KNSTRN: variants seen among roughly 807,000 people sequenced by gnomAD.
The protein encoded by KNSTRN is kinetochore localized astrin (SPAG5) binding protein.
Under a neutral mutation model 44.7 loss-of-function variants are expected in KNSTRN, and 38 were observed. That is an observed-to-expected ratio of 0.85 (90% CI 0.66 to 1.11). The LOEUF is 1.11. Among genes scored for constraint, KNSTRN ranks in the 50% most tolerant of loss-of-function variants. KNSTRN has a pLI of 0.00. For synonymous variants in KNSTRN, 158 were observed against 148.1 expected (o/e 1.07, Z -0.48); for missense variants, 406 against 375.8 (o/e 1.08, Z -0.66).
Position 40,382,963 on chromosome 15 carries a change from T to G in KNSTRN, c.128T>G (p.Leu43Ter). The change falls in exon 1 of 9, where the codon TTA (leucine) becomes TGA (stop). Residue 43 changes from leucine to a stop codon, truncating the protein, a stop_gained. Coordinates refer to ENST00000249776, the MANE Select transcript of KNSTRN (RefSeq NM_033286.4). LOFTEE classifies it high-confidence loss of function. ...CTATTTGAAACCCAGGCGGCCGACTTAGCCGGTGGCACGACAGTTGCTGCA... is the reference window on the plus strand; with the variant it reads ...CTATTTGAAACCCAGGCGGCCGACTGAGCCGGTGGCACGACAGTTGCTGCA... ...KFLFETQAAD[L>*]AGGTTVAAGN... 1 of 1,612,234 alleles carries G rather than the reference T, an allele frequency of 6.2e-7. No homozygotes were observed. The highest frequency in any genetic ancestry group is 8.5e-7 in the Non-Finnish European group (1 of 1,180,014).
chr15:40,388,661 C>A (rs559118331), intron 4 of KNSTRN, among the ~76,000 whole-genome samples: 2 of 151,408 alleles, frequency 1.3e-5, no homozygotes, highest in South Asian at 4.2e-4. Context: ...CGCCACTGCA[C>A]TCCAGCCTGG....
intron 1 of KNSTRN, 33 bp downstream of exon 1, chr15:40,383,077 G>A: frequency 6.2e-7 from 1 of 1,604,882 alleles, no homozygotes; most frequent in East Asian, 2.2e-5. Context: ...GACTGGGCTG[G>A]ATGGGAGGAA....
intron 2 of KNSTRN, among the ~76,000 whole-genome samples, chr15:40,383,748 C>G (rs192748230): frequency 2.0e-5 from 3 of 152,274 alleles, no homozygotes; most frequent in African/African-American, 7.2e-5. Flanking sequence ...ATATCTGCAC[C>G]GTGTTTCTCA....
intron 4 of KNSTRN, among the ~76,000 whole-genome samples, chr15:40,387,824 A>T (rs1889927712): frequency 6.6e-6 from 1 of 152,134 alleles, no homozygotes; most frequent in Non-Finnish European, 1.5e-5. Context: ...CCTGGGAAAC[A>T]TGATGGGACC....
intron 6 of KNSTRN, 115 bp from the exon 7 acceptor site, chr15:40,391,378 C>A: frequency 1.2e-6 from 1 of 807,498 alleles, no homozygotes; most frequent in Admixed American, 2.3e-5. Flanking sequence ...GGATGAGACA[C>A]TTAAGAGAAA....
At chr15:40,386,330 C>T (rs751641313) in intron 2 of KNSTRN, 32 bp from the exon 3 acceptor site, 1 of 1,604,788 alleles carries the variant, frequency 6.2e-7, no homozygotes, top group Admixed American at 1.7e-5. Flanking sequence ...GGTCATGATG[C>T]CAGAAGCTTT....
At chr15:40,386,065 G>A (rs2141272911) in intron 2 of KNSTRN, among the ~76,000 whole-genome samples, 1 of 152,200 alleles carries the variant, frequency 6.6e-6, no homozygotes, top group African/African-American at 2.4e-5. Context: ...GTGAGACCCT[G>A]TCTCTATTTT....
Position 40,393,376 on chromosome 15 carries a change from AG to A in KNSTRN, c.823-91del, listed in dbSNP as rs1467384596. ...CTCCAGTGGTCTTCCTTAGTGGAAT[AG>A]GAGCATAATGTTCTGATGTGGGAAT... On this transcript the variant is annotated intron_variant, in intron 8 of 8. Coordinates refer to ENST00000249776, the MANE Select transcript of KNSTRN (RefSeq NM_033286.4). 32 of 1,590,806 alleles carry A rather than the reference AG, an allele frequency of 2.0e-5. No homozygotes were observed. The African/African-American group carries it at 4.3e-4, about 21-fold the overall frequency.
chr15:40,393,258 C>G, intron 8 of KNSTRN: 7 of 1,613,624 alleles, frequency 4.3e-6, no homozygotes, highest in Non-Finnish European at 5.9e-6. Flanking sequence ...AGTTTAGATA[C>G]AGGAGTCTAG....
rs1335122778 is a variant in KNSTRN at position 40,382,781 on chromosome 15, T to TC, written c.-53dup. 3.3e-6 allele frequency: 5 copies of TC among 1,519,628 alleles called. No individual in the cohort carries two copies. The highest frequency in any genetic ancestry group is 4.5e-6 in the Non-Finnish European group (5 of 1,113,786). 94.1% of individuals were successfully genotyped at this position (1,519,628 alleles called of 1,614,324 possible). A position where few individuals can be genotyped will look rare whatever the true frequency, so the allele number is the denominator to read the frequency against. On this transcript the variant is annotated 5_prime_UTR_variant, in exon 1 of 9. Coordinates refer to ENST00000249776, the MANE Select transcript of KNSTRN (RefSeq NM_033286.4). Reference sequence around the variant, plus strand: ...TCCTCCTCTGCCCAGACCTGGGGGCTCCAACACCTTTCGCTAGGTCTGGCT... The same window carrying TC: ...TCCTCCTCTGCCCAGACCTGGGGGCTCCCAACACCTTTCGCTAGGTCTGGCT...
intron 8 of KNSTRN, 107 bp from the exon 9 acceptor site, chr15:40,393,362 T>A (rs955390235): frequency 1.3e-6 from 2 of 1,591,296 alleles, no homozygotes; most frequent in Non-Finnish European, 1.7e-6. Flanking sequence ...TCCAGTGGTC[T>A]TCCTTAGTGG....
chr15:40,389,642 C>A, intron 5 of KNSTRN, 31 bp downstream of exon 5: 1 of 1,518,470 alleles, frequency 6.6e-7, no homozygotes, highest in East Asian at 2.3e-5. Context: ...CTGTTACCAG[C>A]TGCCACTGGG....
chr15:40,387,130 G>A, intron 3 of KNSTRN, 29 bp from the exon 4 acceptor site: 1 of 1,564,994 alleles, frequency 6.4e-7, no homozygotes, highest in Non-Finnish European at 8.8e-7. Flanking sequence ...GTAAGTCTCT[G>A]ATTCATTTCT....
chr15:40,388,884 C>T (rs1217724101), intron 4 of KNSTRN, among the ~76,000 whole-genome samples: 1 of 152,146 alleles, frequency 6.6e-6, no homozygotes, highest in African/African-American at 2.4e-5. Flanking sequence ...GGGGGGCCTG[C>T]TCCCAACAAT....
chr15:40,391,616 G>A, intron 7 of KNSTRN, 62 bp downstream of exon 7: 1 of 1,340,990 alleles, frequency 7.5e-7, no homozygotes, highest in South Asian at 1.2e-5. Flanking sequence ...GTAAATCTAA[G>A]AAGGTCTCTG....
chr15:40,386,933 A>C (rs1438622331), intron 3 of KNSTRN: 2 of 583,198 alleles, frequency 3.4e-6, no homozygotes, highest in Non-Finnish European at 6.1e-6. Context: ...CAGCTCTGTC[A>C]GGTTGTTAGG....
At chr15:40,387,549 G>C (rs1158227066) in intron 4 of KNSTRN, among the ~76,000 whole-genome samples, 5 of 152,198 alleles carry the variant, frequency 3.3e-5, no homozygotes, top group African/African-American at 1.2e-4. Flanking sequence ...GTGATCTCGA[G>C]ATGAAGATTC....
chr15:40,393,050 A>G (rs2141277127), intron 8 of KNSTRN: 1 of 692,308 alleles, frequency 1.4e-6, no homozygotes, highest in South Asian at 2.4e-5. Context: ...TGTTCACATC[A>G]CCAAGGCATG....
At chr15:40,391,226 T>G (rs61358345) in intron 6 of KNSTRN, among the ~76,000 whole-genome samples, 1 of 152,248 alleles carries the variant, frequency 6.6e-6, no homozygotes, top group African/African-American at 2.4e-5. Flanking sequence ...ACATTTCCTT[T>G]GGACAAATTG....
Sources: gnomAD v4.1 joint callset for allele counts (sites outside exome capture counted in the v4.1 genomes callset) on GRCh38, gnomAD v4.1.1 for gene constraint, MANE v1.5 for transcripts, NCBI Gene and HGNC (gene_info 2026-07-23, HGNC 2026-07-21) for gene names.